CAMK2A: variants seen among roughly 807,000 people sequenced by gnomAD.
CAMK2A encodes the protein calcium/calmodulin dependent protein kinase II alpha.
In CAMK2A, 7 loss-of-function variants were observed where a neutral mutation model predicts 79.2. The observed-to-expected ratio is 0.09, with a 90% confidence interval of 0.05 to 0.17. The LOEUF (loss-of-function observed/expected upper bound fraction) is 0.17, where lower values mean the gene tolerates loss of function less well. Ranked by LOEUF, CAMK2A falls within the 10% of genes least tolerant of loss-of-function variation. CAMK2A has a pLI of 1.00. For missense variants in CAMK2A, 214 were observed against 646.4 expected, an observed-to-expected ratio of 0.33 and a Z score of 7.25; for synonymous variants, 242 against 251.7, an observed-to-expected ratio of 0.96 and a Z score of 0.36.
At position 150,253,109 on chromosome 5, in the gene CAMK2A, A is replaced by G. The variant is rs1755902576; in HGVS notation, c.514+335T>C. Among the ~76,000 whole-genome samples, 9 of 152,342 alleles carry G rather than the reference A, an allele frequency of 5.9e-5. No individual in the cohort carries two copies. In the South Asian group the frequency reaches 1.9e-3, roughly 32 times the overall value. On this transcript the variant is annotated intron_variant, in intron 7 of 18. Transcript: ENST00000671881. ...GATAATAATCTCAAGCACCTAGACT[A>G]TTAGGGCAGCTCTGTGGAAACTTCC...
Position 150,221,457 on chromosome 5 carries a change from C to A in CAMK2A, c.*1253G>T. 5.0e-6 allele frequency: 2 copies of A among 398,516 alleles called. No individual in the cohort carries two copies. The highest frequency in any genetic ancestry group is 6.3e-4 in the Middle Eastern group (1 of 1,588). The allele number at this position is 398,516 out of a possible 1,614,324, so 24.7% of individuals were successfully genotyped here. On this transcript the variant is annotated 3_prime_UTR_variant, in exon 19 of 19. Transcript: ENST00000671881. The stretch of plus-strand genomic sequence containing the variant: ...AGAGGTGGGTGGGGGGTGCTGGGGG[C>A]GGCACACAGATATGGTGAGATGAAA...
intron 2 of CAMK2A, among the ~76,000 whole-genome samples, chr5:150,272,124 T>C (rs1756771268): frequency 6.6e-6 from 1 of 152,156 alleles, no homozygotes. Flanking sequence ...GAGTGCCAGG[T>C]GCTGTCCTAG....
At position 150,223,234 on chromosome 5, in the gene CAMK2A, G is replaced by A; in HGVS notation, c.1238-17C>T. The stretch of plus-strand genomic sequence containing the variant: ...GGGACCACACTGGAGGAGGGGATGG[G>A]AGGGGCAGAGGAGATGCAACCGGGG... On this transcript the variant is annotated splice_polypyrimidine_tract_variant and intron_variant, in intron 17 of 18. Transcript: ENST00000671881. This position sits in a 1 kb window ranked among gnomAD's most constrained non-coding sequence, Gnocchi z 4.1. The A allele has an allele frequency of 6.2e-7, 1 of 1,600,688 alleles. No homozygotes were observed. Among genetic ancestry groups the A allele is most frequent in the African/African-American group, 1.3e-5 (1 of 74,784 alleles).
At chr5:150,255,069 T>C (rs1562170113) in intron 6 of CAMK2A, among the ~76,000 whole-genome samples, 1 of 152,118 alleles carries the variant, frequency 6.6e-6, no homozygotes, top group Non-Finnish European at 1.5e-5. Flanking sequence ...CTGGGGACAA[T>C]GTTCCTAACA....
chr5:150,247,854 G>GA (rs1562160308), intron 11 of CAMK2A, 40 bp from the exon 12 acceptor site: 2 of 1,578,756 alleles, frequency 1.3e-6, no homozygotes, highest in Non-Finnish European at 8.7e-7. Context: ...GAGGAGGCCG[G>GA]AGTGAAGGGA....
intron 12 of CAMK2A, chr5:150,245,471 A>C: frequency 1.0e-5 from 5 of 495,320 alleles, no homozygotes; most frequent in Non-Finnish European, 1.1e-5. Flanking sequence ...GGTGTCCAAC[A>C]TGTCCCAGGA....
At chr5:150,286,459 C>T (rs1323718667) in intron 1 of CAMK2A, among the ~76,000 whole-genome samples, 1 of 152,246 alleles carries the variant, frequency 6.6e-6, no homozygotes, top group Non-Finnish European at 1.5e-5. Context: ...CTGAGCCAGA[C>T]CTCACTGGGC....
chr5:150,235,914 G>C (rs755221820), intron 15 of CAMK2A, among the ~76,000 whole-genome samples: 1 of 152,158 alleles, frequency 6.6e-6, no homozygotes, highest in South Asian at 2.1e-4. Flanking sequence ...TGCCAAACAC[G>C]GGGAGAAGCT....
At chr5:150,230,551 C>A (rs1366162422) in intron 16 of CAMK2A, among the ~76,000 whole-genome samples, 1 of 152,192 alleles carries the variant, frequency 6.6e-6, no homozygotes, top group African/African-American at 2.4e-5. Context: ...TAGGCCCAGG[C>A]CTTGTCAGCA....
At chr5:150,264,422 G>A (rs1756420603) in intron 3 of CAMK2A, among the ~76,000 whole-genome samples, 1 of 152,246 alleles carries the variant, frequency 6.6e-6, no homozygotes. Flanking sequence ...AGGCAGCGAG[G>A]TGTTGTTTCA....
chr5:150,255,636 C>T lies in CAMK2A; in HGVS notation c.411+937G>A, dbSNP rs368899445. On this transcript the variant is annotated intron_variant, in intron 6 of 18. Coordinates refer to ENST00000671881, the MANE Select transcript of CAMK2A (RefSeq NM_015981.4). ...CAGGGAAGAGTGTTCCCCAGTGGTG[C>T]AAGGGGCTACCCCATGGGAAGTGAG... 1.1e-4 allele frequency among the ~76,000 whole-genome samples: 17 copies of T among 152,312 alleles called. No individual in the cohort carries two copies. The South Asian group carries it at 3.3e-3, about 30-fold the overall frequency.
rs1451938567 is a variant in CAMK2A at position 150,239,119 on chromosome 5, G to A, written c.1018-371C>T. ...CACTGGCAGGGGAGGAAGAGAGAGAGAGGGAGGCCCAGTGTGAGAGATGGT... is the reference window on the plus strand; with the variant it reads ...CACTGGCAGGGGAGGAAGAGAGAGAAAGGGAGGCCCAGTGTGAGAGATGGT... On this transcript the variant is annotated intron_variant, in intron 14 of 18. Transcript: ENST00000671881. Among the ~76,000 whole-genome samples, 8 of 152,276 alleles carry A rather than the reference G, an allele frequency of 5.3e-5. No individual in the cohort carries two copies. The East Asian group carries it at 1.5e-3, about 29-fold the overall frequency.
chr5:150,278,707 G>A lies in CAMK2A; in HGVS notation c.63-5548C>T, dbSNP rs1035421838. ...AGTGTTTCTGAATTCCTCGAGGGGT[G>A]TAGGGGAATGCCCCTGGGTGCAAAG... On this transcript the variant is annotated intron_variant, in intron 1 of 18. Transcript: ENST00000671881. Among the ~76,000 whole-genome samples, 12 of 152,124 alleles carry A rather than the reference G, an allele frequency of 7.9e-5. 3 individuals carry two copies. Among genetic ancestry groups the A allele is most frequent in the Admixed American group, 7.9e-4 (12 of 15,282 alleles).
At chr5:150,238,568 G>T (rs1272154758) in intron 15 of CAMK2A, 132 bp downstream of exon 15, 4 of 889,200 alleles carry the variant, frequency 4.5e-6, no homozygotes, top group Non-Finnish European at 7.4e-6. Flanking sequence ...CAGTTTATAA[G>T]GCACCAGAGC....
intron 12 of CAMK2A, among the ~76,000 whole-genome samples, chr5:150,246,571 C>A (rs1024767614): frequency 6.6e-6 from 1 of 152,210 alleles, no homozygotes; most frequent in African/African-American, 2.4e-5. Context: ...GAGATTCAAT[C>A]CAGCTCACAG....
intron 15 of CAMK2A, among the ~76,000 whole-genome samples, chr5:150,237,272 A>C (rs578006028): frequency 6.6e-6 from 1 of 152,122 alleles, no homozygotes; most frequent in African/African-American, 2.4e-5. Context: ...ACGTAATACA[A>C]TGCTCTTTTT....
In CAMK2A at chr5:150,238,748, C is replaced by G; in HGVS notation, c.1018G>C (p.Glu340Gln). ...GTGGTGTTGGTGCTCTCTGAGGATTCCTGCCAAAGAGAATACAGGAGATGG... is the reference window on the plus strand; with the variant it reads ...GTGGTGTTGGTGCTCTCTGAGGATTGCTGCCAAAGAGAATACAGGAGATGG... Reference protein sequence around the residue: ...RKSSSSVQLMESSESTNTTIE... With the variant: ...RKSSSSVQLMQSSESTNTTIE... The change falls in exon 15 of 19, where the codon GAA becomes CAA. Residue 340 changes from glutamate (E) to glutamine (Q), a missense_variant and splice_region_variant. This residue lies in a region of CAMK2A where 123 missense variants were observed against 242.4 expected (regional missense o/e 0.51). Transcript: ENST00000671881. 6.2e-7 allele frequency: 1 copy of G among 1,604,478 alleles called. No individual in the cohort carries two copies. The highest frequency in any genetic ancestry group is 1.7e-5 in the Admixed American group (1 of 59,322).
At chr5:150,286,265 C>T (rs923413841) in intron 1 of CAMK2A, among the ~76,000 whole-genome samples, 4 of 152,222 alleles carry the variant, frequency 2.6e-5, no homozygotes, top group Admixed American at 6.5e-5. Flanking sequence ...GTTCTTGACT[C>T]ATCTGAATTC....
chr5:150,242,995 C>T (rs1020028850), intron 13 of CAMK2A, among the ~76,000 whole-genome samples: 3 of 152,224 alleles, frequency 2.0e-5, no homozygotes, highest in East Asian at 1.9e-4. Context: ...GTCTGTCCTG[C>T]GCCACAGGAA....
Sources: gnomAD v4.1 joint callset for allele counts (sites outside exome capture counted in the v4.1 genomes callset) on GRCh38, gnomAD v4.1.1 for gene constraint, gnomAD v4.1.1 regional missense constraint, Gnocchi (gnomAD v3.1) non-coding constraint, MANE v1.5 for transcripts, NCBI Gene and HGNC (gene_info 2026-07-23, HGNC 2026-07-21) for gene names.